The following TMEM87B variants were observed in gnomAD, a reference collection of about 807,000 sequenced individuals.
TMEM87B encodes transmembrane protein 87B.
TMEM87B carries 83 observed loss-of-function variants against 80.3 expected under a neutral mutation model. The ratio of observed to expected loss-of-function variants is 1.03; its 90% CI spans 0.87 to 1.24. The LOEUF is 1.24. Among genes scored for constraint, TMEM87B ranks in the 50% most tolerant of loss-of-function variants. TMEM87B has a pLI of 0.00. For synonymous variants in TMEM87B, 219 were observed against 230.5 expected (o/e 0.95, Z 0.45); for missense variants, 625 against 674.4 (o/e 0.93, Z 0.81).
Position 112,116,133 on chromosome 2 carries a change from A to G in TMEM87B, c.1658A>G (p.Lys553Arg). 6.2e-7 allele frequency: 1 copy of G among 1,612,672 alleles called. No individual in the cohort carries two copies. The highest frequency in any genetic ancestry group is 8.5e-7 in the Non-Finnish European group (1 of 1,179,404). ...GCTGAAAAAATGTTCTCTTCAGAAA[A>G]GATAATGTGATTGGAACCCGTATAA... ...EMAEKMFSSE[K>R]IM Residue 553 changes from lysine to arginine, a missense_variant, in exon 19 of 19, where the codon AAG (lysine) becomes AGG (arginine). Coordinates refer to ENST00000283206, the MANE Select transcript of TMEM87B (RefSeq NM_032824.3).
At chr2:112,105,834 T>C in intron 15 of TMEM87B, 168 bp from the exon 16 acceptor site, 2 of 450,554 alleles carry the variant, frequency 4.4e-6, no homozygotes, top group Non-Finnish European at 7.6e-6. Context: ...TTTTTTCATA[T>C]ATTTTTCCTA....
chr2:112,101,472 T>A (rs1228580966), intron 15 of TMEM87B, among the ~76,000 whole-genome samples: 1 of 152,212 alleles, frequency 6.6e-6, no homozygotes, highest in Non-Finnish European at 1.5e-5. Flanking sequence ...GGCACCAAAC[T>A]CCTGAGCAGT....
At chr2:112,080,369 C>T (rs1165561849) in intron 6 of TMEM87B, among the ~76,000 whole-genome samples, 7 of 152,136 alleles carry the variant, frequency 4.6e-5, no homozygotes, top group Admixed American at 1.3e-4. Context: ...ACGCCATTCT[C>T]CTGCCTCGGC....
Position 112,077,183 on chromosome 2 carries a change from C to A in TMEM87B, c.502-9C>A. ...AAATAATGAAGAATTTTTTTCACCT[C>A]TATTTCAGGATGTTGTAGCCAGAAC... On this transcript the variant is annotated splice_polypyrimidine_tract_variant and intron_variant, in intron 5 of 18. Coordinates refer to ENST00000283206, the MANE Select transcript of TMEM87B (RefSeq NM_032824.3). 6.5e-7 allele frequency: 1 copy of A among 1,530,228 alleles called. No individual in the cohort carries two copies. Among genetic ancestry groups the A allele is most frequent in the Non-Finnish European group, 8.9e-7 (1 of 1,126,962 alleles). 94.8% of individuals were successfully genotyped at this position (1,530,228 alleles called of 1,614,324 possible). A position where few individuals can be genotyped will look rare whatever the true frequency, so the allele number is the denominator to read the frequency against.
Position 112,074,832 on chromosome 2 carries a change from T to C in TMEM87B, c.451-80T>C. On this transcript the variant is annotated intron_variant, in intron 4 of 18. Transcript: ENST00000283206. ...TTTAATTTTTCATTTTTCTTCTAAC[T>C]TTTTTTCTTAATTATTAAAACAATT... The C allele has an allele frequency of 5.0e-6, 7 of 1,397,990 alleles. No homozygotes were observed. In the South Asian group the frequency reaches 7.0e-5, roughly 14 times the overall value. 86.6% of individuals were successfully genotyped at this position (1,397,990 alleles called of 1,614,324 possible).
intron 6 of TMEM87B, 50 bp downstream of exon 6, chr2:112,077,332 T>C: frequency 9.7e-7 from 1 of 1,028,978 alleles, no homozygotes; most frequent in Non-Finnish European, 1.4e-6. Flanking sequence ...CTGTATTCTG[T>C]ATTTTTGTCA....
chr2:112,073,403 T>C (rs1298697511), intron 4 of TMEM87B, among the ~76,000 whole-genome samples: 1 of 152,200 alleles, frequency 6.6e-6, no homozygotes, highest in African/African-American at 2.4e-5. Flanking sequence ...ATCCATGCAA[T>C]TGTACGGTTT....
intron 4 of TMEM87B, among the ~76,000 whole-genome samples, chr2:112,068,441 G>A (rs899776191): frequency 1.3e-5 from 2 of 152,134 alleles, no homozygotes; most frequent in African/African-American, 4.8e-5. Flanking sequence ...ACAATGGCTC[G>A]CACCCATAAT....
chr2:112,112,570 C>T (rs1679948616), intron 17 of TMEM87B, among the ~76,000 whole-genome samples: 1 of 152,218 alleles, frequency 6.6e-6, no homozygotes, highest in South Asian at 2.1e-4. Flanking sequence ...TCCTGCTGTC[C>T]TGAAGTCTAC....
intron 10 of TMEM87B, 50 bp from the exon 11 acceptor site, chr2:112,091,662 T>C (rs2104487476): frequency 8.3e-7 from 1 of 1,205,072 alleles, no homozygotes; most frequent in Non-Finnish European, 1.2e-6. Context: ...ATTGCTATAG[T>C]GCAATGAAAG....
chr2:112,066,894 A>T, intron 3 of TMEM87B, 42 bp from the exon 4 acceptor site: 1 of 1,494,024 alleles, frequency 6.7e-7, no homozygotes. Flanking sequence ...TAGGATAAGA[A>T]GTGTGGGAAT....
chr2:112,064,223 T>C lies in TMEM87B; in HGVS notation c.288T>C (p.His96=), dbSNP rs1416640063. The stretch of plus-strand genomic sequence containing the variant: ...CCATAGTGTGGCATTTGAAGTATCA[T>C]ACCTGTCACAATGAGCATTCTAATC... ...KFTIVWHLKY[H]TCHNEHSNLE... Residue 96 remains histidine, a synonymous_variant, in exon 3 of 19, where the codon CAT becomes CAC. Transcript: ENST00000283206. The C allele has an allele frequency of 1.2e-6, 2 of 1,613,704 alleles. No homozygotes were observed. Among genetic ancestry groups the C allele is most frequent in the Non-Finnish European group, 1.7e-6 (2 of 1,179,874 alleles).
intron 15 of TMEM87B, among the ~76,000 whole-genome samples, chr2:112,101,019 ATCT>A: frequency 6.6e-6 from 1 of 152,298 alleles, no homozygotes; most frequent in African/African-American, 2.4e-5. Context: ...TTTGAGTTGC[ATCT>A]TCTTGCTCTT....
At chr2:112,113,548 G>A (rs145673418) in intron 18 of TMEM87B, among the ~76,000 whole-genome samples, 1 of 152,356 alleles carries the variant, frequency 6.6e-6, no homozygotes, top group African/African-American at 2.4e-5. Flanking sequence ...GCATCAGTCT[G>A]TTATTTGACT....
intron 9 of TMEM87B, among the ~76,000 whole-genome samples, chr2:112,088,861 C>T (rs531344065): frequency 7.9e-4 from 120 of 152,176 alleles, no homozygotes; most frequent in Non-Finnish European, 1.4e-3. Flanking sequence ...TAAGTTCAAG[C>T]GATTCTCGTG....
At chr2:112,085,092 A>G (rs182679646) in intron 8 of TMEM87B, among the ~76,000 whole-genome samples, 5 of 152,368 alleles carry the variant, frequency 3.3e-5, no homozygotes, top group Admixed American at 1.3e-4. Flanking sequence ...CCCATGGGCC[A>G]TAGTTTACCA....
In TMEM87B at chr2:112,086,061, C is replaced by T. The variant is rs771524950; in HGVS notation, c.895C>T (p.Arg299Cys). The T allele has an allele frequency of 3.7e-5, 59 of 1,614,090 alleles. No homozygotes were observed. The highest frequency in any genetic ancestry group is 4.8e-5 in the Non-Finnish European group (57 of 1,180,028). The change falls in exon 9 of 19, where the codon CGC becomes TGC. Residue 299 changes from arginine to cysteine, a missense_variant. Physicochemically the swap from Arg to Cys is radical, Grantham distance 180 (BLOSUM62 -3). Coordinates refer to ENST00000283206, the MANE Select transcript of TMEM87B (RefSeq NM_032824.3). The part of the protein sequence containing the change: ...LISAIKRTLA[R>C]LLVIIVSLGY... Reference sequence around the variant, plus strand: ...TTCTGCGATTAAGAGGACGTTGGCTCGCCTTCTCGTGATCATTGTGAGCCT... The same window carrying T: ...TTCTGCGATTAAGAGGACGTTGGCTTGCCTTCTCGTGATCATTGTGAGCCT...
chr2:112,099,781 G>A (rs1381470166), intron 14 of TMEM87B, among the ~76,000 whole-genome samples: 1 of 150,396 alleles, frequency 6.6e-6, no homozygotes, highest in Non-Finnish European at 1.5e-5. Flanking sequence ...GGAGGCTGAG[G>A]TGGGAGGATG....
intron 1 of TMEM87B, 72 bp from the exon 2 acceptor site, chr2:112,059,905 T>C (rs1558826182): frequency 6.5e-7 from 1 of 1,542,436 alleles, no homozygotes; most frequent in African/African-American, 1.4e-5. Context: ...TAGAACTCTA[T>C]ATGTTGTGGG....
Sources: allele counts gnomAD v4.1 joint callset (sites outside exome capture counted in the v4.1 genomes callset), GRCh38; gene constraint gnomAD v4.1.1; transcripts MANE v1.5; gene names NCBI Gene and HGNC (gene_info 2026-07-23, HGNC 2026-07-21).